Variants in LDB2 observed in about 807,000 individuals in gnomAD.
LDB2 encodes LIM domain binding 2.
In LDB2, 12 loss-of-function variants were observed where a neutral mutation model predicts 44.3. The observed-to-expected ratio is 0.27, with a 90% CI of 0.17 to 0.44. The LOEUF (loss-of-function observed/expected upper bound fraction) is 0.44, where lower values mean the gene tolerates loss of function less well. Ranked by LOEUF, LDB2 falls within the 20% of genes least tolerant of loss-of-function variation. LDB2 has a pLI of 1.00. For synonymous variants in LDB2, 164 were observed against 174.8 expected, an observed-to-expected ratio of 0.94 and a Z score of 0.49; for missense variants, 344 against 473.5, an observed-to-expected ratio of 0.73 and a Z score of 2.54.
chr4:16,766,138 A>C (rs1239934048), intron 1 of LDB2, among the ~76,000 whole-genome samples: 1 of 152,076 alleles, frequency 6.6e-6, no homozygotes. Context: ...CTGGGTCACC[A>C]TATCCTACTC....
intron 5 of LDB2, among the ~76,000 whole-genome samples, chr4:16,513,036 G>A (rs892294646): frequency 6.6e-6 from 1 of 152,148 alleles, no homozygotes; most frequent in South Asian, 2.1e-4. Flanking sequence ...TATCGGCCAT[G>A]CACCTTCTTC....
At chr4:16,645,528 A>G (rs1736526391) in intron 2 of LDB2, among the ~76,000 whole-genome samples, 2 of 125,838 alleles carry the variant, frequency 1.6e-5, no homozygotes, top group African/African-American at 6.1e-5. Context: ...TGGGCGACAG[A>G]GCGAGACTCC....
intron 1 of LDB2, among the ~76,000 whole-genome samples, chr4:16,871,624 T>TTTC (rs139647869): frequency 0.25 from 36,615 of 148,608 alleles, 5,370 homozygotes; most frequent in East Asian, 0.68. Flanking sequence ...ACTCTTTCTT[T>TTTC]TTTTTTTTTT....
At chr4:16,874,333 TTATCTA>T (rs1398351038) in intron 1 of LDB2, among the ~76,000 whole-genome samples, 2 of 152,152 alleles carry the variant, frequency 1.3e-5, no homozygotes, top group African/African-American at 4.8e-5. Flanking sequence ...GTGTCTATAT[TTATCTA>T]TAAGTTCATT....
chr4:16,800,063 G>T (rs1341739668), intron 1 of LDB2, among the ~76,000 whole-genome samples: 1 of 152,026 alleles, frequency 6.6e-6, no homozygotes, highest in Non-Finnish European at 1.5e-5. Flanking sequence ...GGTCCGGGAC[G>T]GGAAAGCTCA....
chr4:16,524,607 T>G (rs1049330001), intron 5 of LDB2, among the ~76,000 whole-genome samples: 1 of 152,192 alleles, frequency 6.6e-6, no homozygotes, highest in African/African-American at 2.4e-5. Context: ...CCTCACTTTC[T>G]GCCCCATAGA....
intron 5 of LDB2, among the ~76,000 whole-genome samples, chr4:16,528,163 A>G (rs1159829116): frequency 3.3e-5 from 5 of 152,142 alleles, no homozygotes; most frequent in Non-Finnish European, 7.4e-5. Context: ...AGCTATGAGG[A>G]TGCAAAGGCA....
intron 1 of LDB2, among the ~76,000 whole-genome samples, chr4:16,840,870 G>T (rs1320016859): frequency 6.6e-6 from 1 of 152,112 alleles, no homozygotes; most frequent in African/African-American, 2.4e-5. Flanking sequence ...GCAGTAACAG[G>T]GGTGATGCCT....
Position 16,533,869 on chromosome 4 carries a change from C to G in LDB2, c.616-21765G>C. ...TGCTTCCAGGCCAGTTCATGCCTAC[C>G]GAAGTAAAAATCTTCATGCCAGTGA... On this transcript the variant is annotated intron_variant, in intron 5 of 7. Transcript: ENST00000304523. The surrounding 1 kb of genome is among the most constrained non-coding windows in gnomAD (Gnocchi z 4.1). Among the ~76,000 whole-genome samples the G allele has an allele frequency of 6.6e-6, 1 of 152,218 alleles. No individual in the cohort carries two copies. Among genetic ancestry groups the G allele is most frequent in the South Asian group, 2.1e-4 (1 of 4,814 alleles).
intron 2 of LDB2, among the ~76,000 whole-genome samples, chr4:16,623,862 A>G (rs1729570304): frequency 1.3e-5 from 2 of 152,106 alleles, no homozygotes; most frequent in Admixed American, 6.6e-5. Flanking sequence ...ATTCATTTGT[A>G]AGCAAACTGT....
intron 2 of LDB2, among the ~76,000 whole-genome samples, chr4:16,713,977 T>C (rs1756489563): frequency 6.6e-6 from 1 of 152,178 alleles, no homozygotes; most frequent in Non-Finnish European, 1.5e-5. Flanking sequence ...TCAAGGACAC[T>C]AGCCAGAGAG....
At chr4:16,652,811 C>A (rs574621325) in intron 2 of LDB2, among the ~76,000 whole-genome samples, 1 of 152,252 alleles carries the variant, frequency 6.6e-6, no homozygotes, top group South Asian at 2.1e-4. Context: ...GCAGCTCCCC[C>A]GAGGACAGGA....
chr4:16,629,471 G>A (rs942724759), intron 2 of LDB2, among the ~76,000 whole-genome samples: 3 of 152,102 alleles, frequency 2.0e-5, no homozygotes, highest in African/African-American at 7.2e-5. Context: ...ACCCTCTGCT[G>A]GTGATACCCA....
chr4:16,579,911 T>C (rs1713650318), intron 5 of LDB2, among the ~76,000 whole-genome samples: 2 of 152,184 alleles, frequency 1.3e-5, no homozygotes, highest in African/African-American at 4.8e-5. Flanking sequence ...AATTCTTATA[T>C]GGGACCTGCC....
chr4:16,530,805 G>A (rs1236483441), intron 5 of LDB2, among the ~76,000 whole-genome samples: 2 of 152,090 alleles, frequency 1.3e-5, no homozygotes, highest in African/African-American at 4.8e-5. Context: ...TACTATTTTA[G>A]GGGGCTGGCA....
At chr4:16,549,744 A>G (rs1736988481) in intron 5 of LDB2, among the ~76,000 whole-genome samples, 1 of 152,256 alleles carries the variant, frequency 6.6e-6, no homozygotes. Flanking sequence ...TTACTTCCTC[A>G]TGAAATTGGT....
At chr4:16,847,523 C>T (rs764287606) in intron 1 of LDB2, among the ~76,000 whole-genome samples, 2 of 152,210 alleles carry the variant, frequency 1.3e-5, no homozygotes, top group African/African-American at 4.8e-5. Context: ...ACACCTAAAC[C>T]TCTTGCAATA....
chr4:16,651,117 T>C (rs1301139615), intron 2 of LDB2: 2 of 152,248 alleles, frequency 1.3e-5, no homozygotes, highest in African/African-American at 4.8e-5. Flanking sequence ...AGAATGACTA[T>C]GTAGTCTAGG....
At chr4:16,646,369 T>C (rs958972627) in intron 2 of LDB2, among the ~76,000 whole-genome samples, 3 of 152,190 alleles carry the variant, frequency 2.0e-5, no homozygotes, top group Non-Finnish European at 4.4e-5. Context: ...TCCCAACTCT[T>C]TACTCCACTC....
Sources: allele counts gnomAD v4.1 joint callset (sites outside exome capture counted in the v4.1 genomes callset), GRCh38; gene constraint gnomAD v4.1.1; non-coding constraint Gnocchi (gnomAD v3.1); transcripts MANE v1.5; gene names NCBI Gene and HGNC (gene_info 2026-07-23, HGNC 2026-07-21).